TBL1XR1: variants seen among roughly 807,000 people sequenced by gnomAD.
TBL1XR1 encodes TBL1X/Y related 1, also known as F-box-like/WD repeat-containing protein TBL1XR1.
In TBL1XR1, 5 loss-of-function variants were observed where a neutral mutation model predicts 66.9. That is an observed-to-expected ratio of 0.07 (90% CI 0.04 to 0.16). The LOEUF (loss-of-function observed/expected upper bound fraction) is 0.16. TBL1XR1 is among the 10% of genes least tolerant of loss of function. The pLI is 1.00. For missense variants in TBL1XR1, 238 were observed against 623.2 expected (o/e 0.38, Z 6.58); for synonymous variants, 210 against 206.0 (o/e 1.02, Z -0.17).
intron 3 of TBL1XR1, among the ~76,000 whole-genome samples, chr3:177,064,017 C>T (rs1369686016): frequency 6.6e-6 from 1 of 152,170 alleles, no homozygotes; most frequent in Non-Finnish European, 1.5e-5. Flanking sequence ...AAGAATGATT[C>T]AAGTCTCAAA....
intron 2 of TBL1XR1, among the ~76,000 whole-genome samples, chr3:177,095,036 T>TA (rs35923546): frequency 0.35 from 51,943 of 148,244 alleles, 9,001 homozygotes; most frequent in East Asian, 0.46. Flanking sequence ...CATTCTGCCT[T>TA]AAAAAAAAAA....
At chr3:177,116,612 G>A (rs78509036) in intron 1 of TBL1XR1, among the ~76,000 whole-genome samples, 3,407 of 152,028 alleles carry the variant, frequency 0.022, 149 homozygotes, top group African/African-American at 0.078. Flanking sequence ...CTTGAATGCC[G>A]AGAACATATG....
intron 1 of TBL1XR1, among the ~76,000 whole-genome samples, chr3:177,169,232 T>C (rs1480255764): frequency 1.3e-5 from 2 of 152,214 alleles, no homozygotes; most frequent in African/African-American, 4.8e-5. Context: ...TTTCTTTAGA[T>C]TTTAAATCTA....
At chr3:177,126,595 C>T (rs1209196763) in intron 1 of TBL1XR1, among the ~76,000 whole-genome samples, 1 of 152,150 alleles carries the variant, frequency 6.6e-6, no homozygotes, top group Non-Finnish European at 1.5e-5. Context: ...TAAGTCATCA[C>T]TTGTAACACC....
At chr3:177,189,815 T>C (rs1323453929) in intron 1 of TBL1XR1, among the ~76,000 whole-genome samples, 5 of 152,100 alleles carry the variant, frequency 3.3e-5, no homozygotes, top group African/African-American at 7.3e-5. Flanking sequence ...CATTGTATAA[T>C]ACATATATCC....
intron 1 of TBL1XR1, among the ~76,000 whole-genome samples, chr3:177,167,415 T>C (rs967645139): frequency 6.6e-6 from 1 of 152,204 alleles, no homozygotes; most frequent in Non-Finnish European, 1.5e-5. Flanking sequence ...CAAATGTCAT[T>C]ATACATTTGG....
At position 177,143,262 on chromosome 3, in the gene TBL1XR1, A is replaced by G. The variant is rs536988503; in HGVS notation, c.-121-44721T>C. 9.2e-5 allele frequency among the ~76,000 whole-genome samples: 14 copies of G among 152,256 alleles called. No individual in the cohort carries two copies. The East Asian group carries it at 2.7e-3, about 29-fold the overall frequency. The stretch of plus-strand genomic sequence containing the variant: ...CAAAAATGTTATGACCGAGGCCTAC[A>G]GGAACCTAACCCTGCATATTCCCGT... On this transcript the variant is annotated intron_variant, in intron 1 of 15. Transcript: ENST00000457928.
intron 5 of TBL1XR1, among the ~76,000 whole-genome samples, chr3:177,050,888 G>T (rs1269032571): frequency 6.6e-6 from 1 of 151,964 alleles, no homozygotes; most frequent in African/African-American, 2.4e-5. Context: ...TGGATAAAAC[G>T]ATAAAATGGT....
intron 1 of TBL1XR1, among the ~76,000 whole-genome samples, chr3:177,103,640 A>G (rs1392680862): frequency 6.6e-6 from 1 of 152,202 alleles, no homozygotes; most frequent in East Asian, 1.9e-4. Flanking sequence ...TAATTTATAG[A>G]TAACTTTGAA....
At chr3:177,172,687 G>A (rs1454786044) in intron 1 of TBL1XR1, among the ~76,000 whole-genome samples, 4 of 141,354 alleles carry the variant, frequency 2.8e-5, no homozygotes, top group Non-Finnish European at 4.7e-5. Flanking sequence ...GGAGGGGAGA[G>A]GGGAGGGGAG....
chr3:177,021,824 C>T lies in TBL1XR1; in HGVS notation c.*3674G>A, dbSNP rs1429407242. The T allele has an allele frequency of 6.6e-6, 1 of 152,568 alleles. No individual in the cohort carries two copies. Among genetic ancestry groups the T allele is most frequent in the Non-Finnish European group, 1.5e-5 (1 of 68,004 alleles). 9.5% of individuals were successfully genotyped at this position (152,568 alleles called of 1,614,324 possible). On this transcript the variant is annotated 3_prime_UTR_variant, in exon 16 of 16. Coordinates refer to ENST00000457928, the MANE Select transcript of TBL1XR1 (RefSeq NM_024665.7). ...AGTAGTAATTCACCATATGCAAGTACCATCCTTATCATGCGAGAATAATCA... is the reference window on the plus strand; with the variant it reads ...AGTAGTAATTCACCATATGCAAGTATCATCCTTATCATGCGAGAATAATCA...
chr3:177,046,621 T>TA (rs929693177), intron 9 of TBL1XR1, among the ~76,000 whole-genome samples: 4 of 152,200 alleles, frequency 2.6e-5, no homozygotes, highest in African/African-American at 2.4e-5. Context: ...TGGCAGTACT[T>TA]AAAGCAAGAA....
upstream of TBL1XR1, among the ~76,000 whole-genome samples, chr3:177,197,861 A>G (rs963189967): frequency 7.1e-6 from 1 of 140,740 alleles, no homozygotes; most frequent in Non-Finnish European, 1.5e-5. Flanking sequence ...CCCCGCCCCC[A>G]CCGCCGCGGG....
chr3:177,083,349 T>C (rs1395169604), intron 2 of TBL1XR1, among the ~76,000 whole-genome samples: 1 of 152,246 alleles, frequency 6.6e-6, no homozygotes, highest in Non-Finnish European at 1.5e-5. Flanking sequence ...GCTACATCAT[T>C]TTGAAACGAT....
intron 10 of TBL1XR1, among the ~76,000 whole-genome samples, chr3:177,044,076 T>C (rs1214081120): frequency 6.6e-6 from 1 of 152,206 alleles, no homozygotes; most frequent in Non-Finnish European, 1.5e-5. Flanking sequence ...CTCTGCGTTT[T>C]TGGATAGATT....
chr3:177,110,864 A>G (rs896000066), intron 1 of TBL1XR1: 5 of 152,220 alleles, frequency 3.3e-5, no homozygotes, highest in African/African-American at 9.6e-5. Flanking sequence ...CTTCTTCTAG[A>G]TAGGGTCCAG....
chr3:177,068,204 C>G (rs1719418005), intron 2 of TBL1XR1, among the ~76,000 whole-genome samples: 1 of 152,176 alleles, frequency 6.6e-6, no homozygotes, highest in Admixed American at 6.5e-5. Context: ...TCTACCTGAT[C>G]ATATTTACTC....
At chr3:177,063,184 C>T (rs1054466528) in intron 3 of TBL1XR1, among the ~76,000 whole-genome samples, 4 of 152,000 alleles carry the variant, frequency 2.6e-5, no homozygotes, top group African/African-American at 4.8e-5. Context: ...AGAAATTAAC[C>T]GAGAATATTA....
intron 1 of TBL1XR1, among the ~76,000 whole-genome samples, chr3:177,149,194 A>T (rs1730600758): frequency 6.6e-6 from 1 of 152,216 alleles, no homozygotes; most frequent in Non-Finnish European, 1.5e-5. Flanking sequence ...TCAATGGAAC[A>T]GCACCAGAGG....
Sources: gnomAD v4.1 joint callset for allele counts (sites outside exome capture counted in the v4.1 genomes callset) on GRCh38, gnomAD v4.1.1 for gene constraint, MANE v1.5 for transcripts, NCBI Gene and HGNC (gene_info 2026-07-23, HGNC 2026-07-21) for gene names.